The following ZNF704 variants were observed in gnomAD, a reference collection of about 807,000 sequenced individuals.
The protein encoded by ZNF704 is zinc finger protein 704, also known as glucocorticoid induced gene 1.
In ZNF704, 10 loss-of-function variants were observed where a neutral mutation model predicts 44.7. The observed-to-expected ratio is 0.22, with a 90% CI of 0.14 to 0.38. The LOEUF (loss-of-function observed/expected upper bound fraction) is 0.38. ZNF704 is among the 10% of genes least tolerant of loss of function. The probability of loss-of-function intolerance (pLI) is 1.00; values close to 1 mark genes in which losing one functional copy is unlikely to be tolerated. For synonymous variants in ZNF704, 211 were observed against 207.6 expected (o/e 1.02, Z -0.14); for missense variants, 390 against 545.5 (o/e 0.71, Z 2.84).
chr8:80,702,881 A>G (rs1818834767), intron 2 of ZNF704, among the ~76,000 whole-genome samples: 2 of 152,136 alleles, frequency 1.3e-5, no homozygotes, highest in South Asian at 4.1e-4. Flanking sequence ...CATTGAGGAG[A>G]GAAAAGTTGT....
At chr8:80,857,345 G>A (rs182231666) in intron 1 of ZNF704, among the ~76,000 whole-genome samples, 1 of 152,108 alleles carries the variant, frequency 6.6e-6, no homozygotes, top group Admixed American at 6.5e-5. Context: ...TAAATGTGAG[G>A]TTAATTATAG....
At chr8:80,824,761 G>A (rs935236778) in intron 1 of ZNF704, among the ~76,000 whole-genome samples, 3 of 152,160 alleles carry the variant, frequency 2.0e-5, no homozygotes, top group African/African-American at 4.8e-5. Flanking sequence ...GAGAGTGGGA[G>A]CCAATATCCA....
intron 2 of ZNF704, among the ~76,000 whole-genome samples, chr8:80,721,749 A>T (rs1335534452): frequency 6.6e-6 from 1 of 152,248 alleles, no homozygotes; most frequent in East Asian, 1.9e-4. Flanking sequence ...ATTATTATTT[A>T]ACACTTATAG....
intron 7 of ZNF704, among the ~76,000 whole-genome samples, chr8:80,646,128 A>G (rs1387288490): frequency 6.6e-6 from 1 of 152,230 alleles, no homozygotes; most frequent in African/African-American, 2.4e-5. Context: ...TGTTCATTAT[A>G]GATTACCCAG....
chr8:80,688,681 T>C (rs1818581771), intron 3 of ZNF704, among the ~76,000 whole-genome samples: 1 of 152,258 alleles, frequency 6.6e-6, no homozygotes, highest in Non-Finnish European at 1.5e-5. Context: ...TATTGGCTAT[T>C]ACCTTCCCAT....
intron 1 of ZNF704, among the ~76,000 whole-genome samples, chr8:80,869,097 T>C (rs1411357397): frequency 1.3e-5 from 2 of 152,224 alleles, no homozygotes; most frequent in African/African-American, 4.8e-5. Context: ...ATGAAGTTGA[T>C]AACAATAATG....
At chr8:80,803,623 C>G (rs1586039200) in intron 2 of ZNF704, among the ~76,000 whole-genome samples, 1 of 152,178 alleles carries the variant, frequency 6.6e-6, no homozygotes, top group African/African-American at 2.4e-5. Context: ...GGAGAACTGG[C>G]TAGCCATATG....
intron 2 of ZNF704, among the ~76,000 whole-genome samples, chr8:80,707,545 C>T (rs1304470364): frequency 1.3e-5 from 2 of 152,142 alleles, no homozygotes; most frequent in African/African-American, 4.8e-5. Context: ...TACACTGACA[C>T]CTGTTCTGTG....
chr8:80,693,026 T>A lies in ZNF704; in HGVS notation c.303A>T (p.Arg101=), dbSNP rs749762676. The change falls in exon 3 of 9, where the codon CGA becomes CGT. Residue 101 remains arginine, a synonymous_variant. Transcript: ENST00000327835. The part of the protein sequence containing the change: ...LTSLSTSPLV[R]SPPVRPNESL... ...TACCGTTCGGCCGCACGGGAGGACTTCGAACCAAAGGGCTAGTCGACAAGC... is the reference window on the plus strand; with the variant it reads ...TACCGTTCGGCCGCACGGGAGGACTACGAACCAAAGGGCTAGTCGACAAGC... The A allele has an allele frequency of 2.5e-6, 4 of 1,614,026 alleles. No homozygotes were observed. In the Admixed American group the frequency reaches 5.0e-5, roughly 20 times the overall value.
At chr8:80,702,617 A>G (rs1341029514) in intron 2 of ZNF704, among the ~76,000 whole-genome samples, 1 of 152,088 alleles carries the variant, frequency 6.6e-6, no homozygotes, top group African/African-American at 2.4e-5. Flanking sequence ...AAAGATGGGG[A>G]CAAATTGAGA....
intron 5 of ZNF704, among the ~76,000 whole-genome samples, chr8:80,666,109 T>TC (rs1274525817): frequency 7.2e-6 from 1 of 138,956 alleles, no homozygotes; most frequent in Non-Finnish European, 1.6e-5. Context: ...CGCTATCCCT[T>TC]CCCCCGCCCC....
At chr8:80,758,800 A>G (rs1807080520) in intron 2 of ZNF704, among the ~76,000 whole-genome samples, 1 of 152,224 alleles carries the variant, frequency 6.6e-6, no homozygotes, top group Admixed American at 6.5e-5. Context: ...ATCACAGTTT[A>G]ATTGGCAGCA....
chr8:80,649,090 GTATAA>G (rs1428322409), intron 7 of ZNF704, among the ~76,000 whole-genome samples: 1 of 152,174 alleles, frequency 6.6e-6, no homozygotes, highest in Non-Finnish European at 1.5e-5. Context: ...TGCTTGGACA[GTATAA>G]TATGATAATA....
upstream of ZNF704, among the ~76,000 whole-genome samples, chr8:80,877,817 A>G (rs935473716): frequency 3.3e-5 from 5 of 152,216 alleles, no homozygotes; most frequent in Non-Finnish European, 4.4e-5. Context: ...TAAGTGAACA[A>G]TATGATTTTG....
At chr8:80,770,079 T>A (rs1191753074) in intron 2 of ZNF704, among the ~76,000 whole-genome samples, 1 of 152,138 alleles carries the variant, frequency 6.6e-6, no homozygotes, top group Non-Finnish European at 1.5e-5. Context: ...GTATTCACCA[T>A]CATGAGAACA....
intron 2 of ZNF704, among the ~76,000 whole-genome samples, chr8:80,803,981 T>G (rs962773626): frequency 6.6e-6 from 1 of 151,770 alleles, no homozygotes; most frequent in African/African-American, 2.4e-5. Flanking sequence ...CAAGTAAATT[T>G]AGAAGAAACA....
intron 1 of ZNF704, among the ~76,000 whole-genome samples, chr8:80,845,969 T>C (rs2129981362): frequency 6.6e-6 from 1 of 152,296 alleles, no homozygotes; most frequent in South Asian, 2.1e-4. Flanking sequence ...CCTAGTAATA[T>C]TAAATAAAGA....
intron 1 of ZNF704, among the ~76,000 whole-genome samples, chr8:80,851,803 G>A (rs1276966864): frequency 2.0e-5 from 3 of 152,136 alleles, no homozygotes; most frequent in African/African-American, 7.2e-5. Context: ...ATTACTGGCC[G>A]AAACATTGTT....
intron 1 of ZNF704, among the ~76,000 whole-genome samples, chr8:80,826,515 T>C (rs1021972788): frequency 6.6e-6 from 1 of 152,152 alleles, no homozygotes; most frequent in Admixed American, 6.5e-5. Context: ...GCTGGTACCA[T>C]TCCTTCTGAA....
Sources: allele counts gnomAD v4.1 joint callset (sites outside exome capture counted in the v4.1 genomes callset), GRCh38; gene constraint gnomAD v4.1.1; transcripts MANE v1.5; gene names NCBI Gene and HGNC (gene_info 2026-07-23, HGNC 2026-07-21).